The following MACO1 variants were observed in gnomAD, a reference collection of about 807,000 sequenced individuals.
MACO1 encodes the protein macoilin 1, also known as macoilin.
A neutral mutation model predicts 78.7 loss-of-function variants in MACO1; 14 were observed. That is an observed-to-expected ratio of 0.18 (90% CI 0.12 to 0.28). The LOEUF is 0.28. Ranked by LOEUF, MACO1 falls within the 10% of genes least tolerant of loss-of-function variation. The probability of loss-of-function intolerance (pLI) is 1.00; values close to 1 mark genes in which losing one functional copy is unlikely to be tolerated. For missense variants in MACO1, 501 were observed against 799.0 expected (o/e 0.63, Z 4.50); for synonymous variants, 288 against 291.6 (o/e 0.99, Z 0.12).
intron 8 of MACO1, among the ~76,000 whole-genome samples, chr1:25,487,802 G>A (rs2043447528): frequency 6.6e-6 from 1 of 152,142 alleles, no homozygotes; most frequent in African/African-American, 2.4e-5. Context: ...GGCTTTGTGT[G>A]TATTGTCTCA....
At chr1:25,431,671 C>T (rs577426857) in intron 1 of MACO1, among the ~76,000 whole-genome samples, 1 of 152,100 alleles carries the variant, frequency 6.6e-6, no homozygotes, top group Non-Finnish European at 1.5e-5. Flanking sequence ...TGTGGCCCCT[C>T]GTTCCCCCAA....
chr1:25,491,604 T>G lies in MACO1; in HGVS notation c.1792+20T>G, dbSNP rs775706820. 6.2e-7 allele frequency: 1 copy of G among 1,609,088 alleles called. No homozygotes were observed. Among genetic ancestry groups the G allele is most frequent in the South Asian group, 1.1e-5 (1 of 90,882 alleles). On this transcript the variant is annotated intron_variant, in intron 10 of 10. Coordinates refer to ENST00000374343, the MANE Select transcript of MACO1 (RefSeq NM_018202.6). ...CCCAAGGTAGGAGAACGTGGGCCCCTGGTGAGGTGGTGTGACTGATAATGC... is the reference window on the plus strand; with the variant it reads ...CCCAAGGTAGGAGAACGTGGGCCCCGGGTGAGGTGGTGTGACTGATAATGC...
In MACO1 at chr1:25,442,695, C is replaced by T. The variant is rs540514585; in HGVS notation, c.81-4067C>T. Among the ~76,000 whole-genome samples the T allele has an allele frequency of 5.1e-5, 7 of 137,902 alleles. No homozygotes were observed. In the East Asian group the frequency reaches 7.9e-4, roughly 16 times the overall value. 90.5% of individuals were successfully genotyped at this position (137,902 alleles called of 152,430 possible). ...GAGGTAAAAAAATGGTTGTAAATGG[C>T]AAAGGTAGGAATAGAATGGGGGGAA... is the stretch of plus-strand genomic sequence containing the variant. On this transcript the variant is annotated intron_variant, in intron 1 of 10. Coordinates refer to ENST00000374343, the MANE Select transcript of MACO1 (RefSeq NM_018202.6).
chr1:25,445,530 C>T (rs918017799), intron 1 of MACO1, among the ~76,000 whole-genome samples: 1 of 152,020 alleles, frequency 6.6e-6, no homozygotes, highest in Non-Finnish European at 1.5e-5. Context: ...AAAATAAATC[C>T]TCAATGCTGG....
chr1:25,470,680 G>A (rs1366774465), intron 6 of MACO1, among the ~76,000 whole-genome samples: 1 of 152,188 alleles, frequency 6.6e-6, no homozygotes, highest in African/African-American at 2.4e-5. Flanking sequence ...CTGCTAAAGT[G>A]GGGTGGGGAG....
chr1:25,496,967 T>C (rs1344867213), intron 10 of MACO1, among the ~76,000 whole-genome samples: 4 of 152,230 alleles, frequency 2.6e-5, no homozygotes, highest in Non-Finnish European at 5.9e-5. Context: ...CATGGGGTTG[T>C]CGTAAGAAAG....
At chr1:25,438,779 T>C (rs1380888834) in intron 1 of MACO1, among the ~76,000 whole-genome samples, 1 of 152,188 alleles carries the variant, frequency 6.6e-6, no homozygotes, top group African/African-American at 2.4e-5. Flanking sequence ...AGCATGCGCC[T>C]GTAATCCCAG....
At position 25,489,306 on chromosome 1, in the gene MACO1, CA is replaced by C. The variant is rs2043463913; in HGVS notation, c.1617+17del. On this transcript the variant is annotated intron_variant, in intron 9 of 10. Coordinates refer to ENST00000374343, the MANE Select transcript of MACO1 (RefSeq NM_018202.6). ...ACTAAAAGTCCAGGTAAGGGGGGAA[CA>C]AAAGACTTCCCTTGTATTTGAATTC... 6.2e-7 allele frequency: 1 copy of C among 1,612,076 alleles called. No homozygotes were observed. Among genetic ancestry groups the C allele is most frequent in the African/African-American group, 1.3e-5 (1 of 74,814 alleles).
intron 6 of MACO1, among the ~76,000 whole-genome samples, chr1:25,479,650 C>T (rs1374325518): frequency 2.0e-5 from 3 of 152,174 alleles, no homozygotes; most frequent in Non-Finnish European, 4.4e-5. Flanking sequence ...CTCAGATGAT[C>T]TGCCCGCCTC....
chr1:25,438,767 G>C (rs896793487), intron 1 of MACO1, among the ~76,000 whole-genome samples: 2 of 152,180 alleles, frequency 1.3e-5, no homozygotes, highest in African/African-American at 4.8e-5. Context: ...GCTGGGCGTG[G>C]TAGCATGCGC....
chr1:25,454,802 T>G (rs1475695367), intron 4 of MACO1, among the ~76,000 whole-genome samples: 34 of 152,036 alleles, frequency 2.2e-4, no homozygotes. Context: ...ATATTCTTTG[T>G]CTATAATTCA....
chr1:25,474,245 A>T (rs2043299966), intron 6 of MACO1, among the ~76,000 whole-genome samples: 1 of 152,162 alleles, frequency 6.6e-6, no homozygotes, highest in Admixed American at 6.5e-5. Context: ...TCAGTTAAAA[A>T]ACTTTTTTTT....
intron 6 of MACO1, among the ~76,000 whole-genome samples, chr1:25,466,210 T>C (rs2043218196): frequency 6.6e-6 from 1 of 152,254 alleles, no homozygotes. Context: ...AGAAGTTGAA[T>C]TGATTTACAT....
At chr1:25,439,674 T>C (rs9438908) in intron 1 of MACO1, among the ~76,000 whole-genome samples, 1 of 151,870 alleles carries the variant, frequency 6.6e-6, no homozygotes, top group Non-Finnish European at 1.5e-5. Context: ...ATTTCTGTTT[T>C]TTTTTTTTTT....
Position 25,446,798 on chromosome 1 carries a change from A to C in MACO1, c.117A>C (p.Ala39=). ...FLYLKFLVVW[A]LVLLADFVLE... is the part of the protein sequence containing the mutation. ...ACCTGAAATTCCTGGTGGTGTGGGC[A>C]CTTGTCCTCCTAGCAGATTTTGTCC... Residue 39 remains alanine, a synonymous_variant, in exon 2 of 11, where the codon GCA becomes GCC. Transcript: ENST00000374343. 6.2e-7 allele frequency: 1 copy of C among 1,613,784 alleles called. No homozygotes were observed. The highest frequency in any genetic ancestry group is 8.5e-7 in the Non-Finnish European group (1 of 1,179,876).
intron 8 of MACO1, among the ~76,000 whole-genome samples, chr1:25,488,881 G>T (rs1412725681): frequency 6.6e-6 from 1 of 151,762 alleles, no homozygotes; most frequent in Admixed American, 6.6e-5. Context: ...GCAGTGGCAC[G>T]ATCTGGACTC....
At chr1:25,450,941 C>A (rs1294588691) in intron 3 of MACO1, among the ~76,000 whole-genome samples, 1 of 152,160 alleles carries the variant, frequency 6.6e-6, no homozygotes, top group African/African-American at 2.4e-5. Flanking sequence ...GTGGCGATTT[C>A]TTAAATTTCT....
chr1:25,481,705 C>T (rs536664072), intron 6 of MACO1, among the ~76,000 whole-genome samples: 38 of 152,260 alleles, frequency 2.5e-4, no homozygotes, highest in Admixed American at 8.5e-4. Context: ...GTATAAATGC[C>T]GATCTGTAAT....
At chr1:25,482,114 T>G (rs1327778780) in intron 6 of MACO1, among the ~76,000 whole-genome samples, 1 of 152,178 alleles carries the variant, frequency 6.6e-6, no homozygotes, top group East Asian at 1.9e-4. Context: ...AGATCACCAT[T>G]GCCCTTCAGA....
Sources: allele counts gnomAD v4.1 joint callset (sites outside exome capture counted in the v4.1 genomes callset), GRCh38; gene constraint gnomAD v4.1.1; transcripts MANE v1.5; gene names NCBI Gene and HGNC (gene_info 2026-07-23, HGNC 2026-07-21).